The following KIAA1755 variants were observed in gnomAD, a reference collection of about 807,000 sequenced individuals.
KIAA1755 encodes the protein KIAA1755.
A neutral mutation model predicts 91.7 loss-of-function variants in KIAA1755; 68 were observed. The observed-to-expected ratio is 0.74, with a 90% CI of 0.61 to 0.91. KIAA1755 has a LOEUF of 0.91. KIAA1755 is among the 40% of genes least tolerant of loss of function. The pLI is 0.00. For synonymous variants in KIAA1755, 610 were observed against 604.6 expected (o/e 1.01, Z -0.13); for missense variants, 1,535 against 1,494.4 (o/e 1.03, Z -0.45).
intron 1 of KIAA1755, 103 bp downstream of exon 1, chr20:38,260,395 G>C: frequency 1.2e-6 from 2 of 1,601,562 alleles, no homozygotes; most frequent in Non-Finnish European, 1.7e-6. Context: ...GGTCGTCTCA[G>C]TGTAAAAGGC....
chr20:38,210,871 G>A lies in KIAA1755; in HGVS notation c.*2171C>T, dbSNP rs879422718. 6.6e-6 allele frequency: 1 copy of A among 152,226 alleles called. No individual in the cohort carries two copies. Among genetic ancestry groups the A allele is most frequent in the Admixed American group, 6.5e-5 (1 of 15,288 alleles). The allele number at this position is 152,226 out of a possible 1,614,324, so 9.4% of individuals were successfully genotyped here. ...TGAGGCAACAGGCATGGATGGAGAT[G>A]GGCTGATCAACGCCTCTTGCATCTT... On this transcript the variant is annotated 3_prime_UTR_variant, in exon 14 of 14. Coordinates refer to ENST00000279024, the MANE Select transcript of KIAA1755 (RefSeq NM_001029864.2).
chr20:38,257,900 CTTTT>C (rs538588264), intron 1 of KIAA1755, among the ~76,000 whole-genome samples: 3 of 142,154 alleles, frequency 2.1e-5, no homozygotes, highest in African/African-American at 2.6e-5. Flanking sequence ...TTTATAGTTA[CTTTT>C]TTTTTTTTTT....
chr20:38,220,219 G>A (rs1440678818), intron 10 of KIAA1755, among the ~76,000 whole-genome samples: 1 of 151,926 alleles, frequency 6.6e-6, no homozygotes, highest in African/African-American at 2.4e-5. Context: ...CCTGCCCTGG[G>A]AGCTTTAACA....
Position 38,219,641 on chromosome 20 carries a change from C to T in KIAA1755, c.2545G>A (p.Ala849Thr). Reference sequence around the variant, plus strand: ...GACACCCCTTTCACCTGGTGAATGGCAGCTTCCAGGCGGCCCAGGCGGACA... The same window carrying T: ...GACACCCCTTTCACCTGGTGAATGGTAGCTTCCAGGCGGCCCAGGCGGACA... ...LRVRLGRLEAAIHQVSDWMEQ... is the reference protein window; with the variant it reads ...LRVRLGRLEATIHQVSDWMEQ... Residue 849 changes from alanine (A) to threonine (T), a missense_variant, in exon 11 of 14, where the codon GCC becomes ACC. Physicochemically the swap from Ala to Thr is moderately conservative, Grantham distance 58. Transcript: ENST00000279024. The T allele has an allele frequency of 1.2e-6, 2 of 1,614,068 alleles. No individual in the cohort carries two copies. The highest frequency in any genetic ancestry group is 2.2e-5 in the South Asian group (2 of 91,080).
At chr20:38,245,245 C>G (rs1359278938) in intron 2 of KIAA1755, among the ~76,000 whole-genome samples, 3 of 152,152 alleles carry the variant, frequency 2.0e-5, no homozygotes, top group Non-Finnish European at 2.9e-5. Flanking sequence ...GAATATAAAT[C>G]CTTGAGCTTC....
rs374447414 is a variant in KIAA1755 at position 38,231,931 on chromosome 20, G to A, written c.1748-606C>T. Reference sequence around the variant, plus strand: ...TGCAGACTTTCAACCCTGGGTTTCCGACAGGCTATTTCCTGTTCCAGGAAT... The same window carrying A: ...TGCAGACTTTCAACCCTGGGTTTCCAACAGGCTATTTCCTGTTCCAGGAAT... On this transcript the variant is annotated intron_variant, in intron 4 of 13. Transcript: ENST00000279024. Among the ~76,000 whole-genome samples, 18 of 152,288 alleles carry A rather than the reference G, an allele frequency of 1.2e-4. No individual in the cohort carries two copies. In the East Asian group the frequency reaches 1.4e-3, roughly 11 times the overall value.
intron 5 of KIAA1755, among the ~76,000 whole-genome samples, chr20:38,228,916 G>A (rs2075809377): frequency 6.6e-6 from 1 of 152,158 alleles, no homozygotes; most frequent in Admixed American, 6.5e-5. Context: ...AGCTTACAGT[G>A]GGCCACTTTT....
chr20:38,222,642 C>T (rs2075681695), intron 9 of KIAA1755, 45 bp from the exon 10 acceptor site: 1 of 1,597,328 alleles, frequency 6.3e-7, no homozygotes, highest in Non-Finnish European at 8.5e-7. Flanking sequence ...CCCACTCTCC[C>T]TCTGCAACCT....
intron 10 of KIAA1755, 146 bp downstream of exon 10, chr20:38,222,303 A>C (rs2075672955): frequency 1.2e-6 from 1 of 820,050 alleles, no homozygotes; most frequent in Non-Finnish European, 1.9e-6. Context: ...ACCAGGCGTC[A>C]GCCTGGGATA....
At chr20:38,240,459 A>G (rs1410941424) in intron 3 of KIAA1755, 123 bp downstream of exon 3, 5 of 980,088 alleles carry the variant, frequency 5.1e-6, no homozygotes, top group Non-Finnish European at 7.2e-6. Context: ...GCCACACTGT[A>G]TACTAAACCC....
At chr20:38,239,403 G>A (rs142050887) in intron 4 of KIAA1755, 125 bp downstream of exon 4, 12 of 760,634 alleles carry the variant, frequency 1.6e-5, no homozygotes. Flanking sequence ...TGAGGCCCAA[G>A]GAGGCTTGGT....
At position 38,246,021 on chromosome 20, in the gene KIAA1755, C is replaced by T. The variant is rs757437016; in HGVS notation, c.109G>A (p.Asp37Asn). 1.2e-6 allele frequency: 2 copies of T among 1,614,152 alleles called. No homozygotes were observed. Among genetic ancestry groups the T allele is most frequent in the South Asian group, 1.1e-5 (1 of 91,080 alleles). ...AGCCCATCCCCCTGGAAGCCAGAGT[C>T]CAGGAGACGGAACACCTGACCCAGG... ...TVLGQVFRLL[D>N]SGFQGDGLSF... Residue 37 changes from aspartate (D) to asparagine (N), a missense_variant, in exon 2 of 14, where the codon GAC becomes AAC. Asp to Asn is a conservative substitution (Grantham distance 23). Transcript: ENST00000279024.
rs766663013 is a variant in KIAA1755, at chr20:38,217,435, C to T, written c.2719G>A (p.Ala907Thr). ...RRGLELSKQA[A>T]QLGATARGAG... is the part of the protein sequence containing the mutation. ...CCTCTGGCTGTAGCTCCCAGCTGAG[C>T]GGCCTGCTTGGACAGCTCCAGGCCT... The change falls in exon 13 of 14, where the codon GCT becomes ACT. Residue 907 changes from alanine to threonine, a missense_variant. Coordinates refer to ENST00000279024, the MANE Select transcript of KIAA1755 (RefSeq NM_001029864.2). The T allele has an allele frequency of 7.4e-6, 12 of 1,612,338 alleles. No homozygotes were observed. The highest frequency in any genetic ancestry group is 3.3e-5 in the Admixed American group (2 of 59,878).
intron 10 of KIAA1755, among the ~76,000 whole-genome samples, chr20:38,220,713 C>A (rs1209165888): frequency 6.6e-6 from 1 of 152,154 alleles, no homozygotes; most frequent in South Asian, 2.1e-4. Flanking sequence ...CAGTGCCCAG[C>A]GCACGATGTT....
chr20:38,260,085 G>A, intron 1 of KIAA1755: 2 of 736,706 alleles, frequency 2.7e-6, no homozygotes, highest in South Asian at 4.1e-5. Flanking sequence ...TGGCCTGGGA[G>A]GGGACTTTAA....
chr20:38,237,693 G>A (rs2075982766), intron 4 of KIAA1755, among the ~76,000 whole-genome samples: 1 of 151,964 alleles, frequency 6.6e-6, no homozygotes, highest in Non-Finnish European at 1.5e-5. Flanking sequence ...TGAACCAATA[G>A]GTTCAAGGTT....
chr20:38,219,520 T>A, intron 11 of KIAA1755, 110 bp downstream of exon 11: 1 of 1,433,908 alleles, frequency 7.0e-7, no homozygotes, highest in Non-Finnish European at 9.5e-7. Context: ...CAGCTTGGTG[T>A]CCTTTCTCCA....
chr20:38,257,900 C>CTTT (rs538588264), intron 1 of KIAA1755, among the ~76,000 whole-genome samples: 1 of 142,160 alleles, frequency 7.0e-6, no homozygotes. Flanking sequence ...TTTATAGTTA[C>CTTT]TTTTTTTTTT....
chr20:38,221,269 G>C (rs1226922243), intron 10 of KIAA1755, among the ~76,000 whole-genome samples: 1 of 152,236 alleles, frequency 6.6e-6, no homozygotes, highest in Non-Finnish European at 1.5e-5. Flanking sequence ...TGGGACCACA[G>C]TGACCCCTGC....
Sources: allele counts gnomAD v4.1 joint callset (sites outside exome capture counted in the v4.1 genomes callset), GRCh38; gene constraint gnomAD v4.1.1; transcripts MANE v1.5; gene names NCBI Gene and HGNC (gene_info 2026-07-23, HGNC 2026-07-21).